NEO1: variants seen among roughly 807,000 people sequenced by gnomAD.
NEO1 encodes the protein neogenin 1, also known as neogenin.
A neutral mutation model predicts 159.7 loss-of-function variants in NEO1; 63 were observed. The ratio of observed to expected loss-of-function variants is 0.39; its 90% CI spans 0.32 to 0.49. NEO1 has a LOEUF of 0.49. NEO1 is among the 20% of genes least tolerant of loss of function. NEO1 has a pLI of 0.85. For synonymous variants in NEO1, 633 were observed against 662.0 expected (o/e 0.96, Z 0.67); for missense variants, 1,615 against 1,831.0 (o/e 0.88, Z 2.15).
intron 1 of NEO1, among the ~76,000 whole-genome samples, chr15:73,054,097 A>G (rs1265763617): frequency 1.3e-5 from 2 of 152,246 alleles, no homozygotes; most frequent in African/African-American, 4.8e-5. Flanking sequence ...ACCCTTATAC[A>G]TTCAGTCCGT....
At chr15:73,169,800 G>C (rs1466534869) in intron 5 of NEO1, among the ~76,000 whole-genome samples, 1 of 151,666 alleles carries the variant, frequency 6.6e-6, no homozygotes, top group Non-Finnish European at 1.5e-5. Context: ...AAGAGTATAG[G>C]CTTTGAAGGT....
At chr15:73,069,020 A>G (rs1433483743) in intron 1 of NEO1, among the ~76,000 whole-genome samples, 17 of 149,624 alleles carry the variant, frequency 1.1e-4, no homozygotes, top group African/African-American at 3.5e-4. Flanking sequence ...TGGGGTAATC[A>G]CAGGTTACTG....
At chr15:73,134,513 A>G (rs1239296782) in intron 4 of NEO1, among the ~76,000 whole-genome samples, 1 of 151,938 alleles carries the variant, frequency 6.6e-6, no homozygotes, top group Non-Finnish European at 1.5e-5. Context: ...CCAAGACTGT[A>G]TAGTCATTTC....
intron 5 of NEO1, among the ~76,000 whole-genome samples, chr15:73,160,777 C>A (rs543080370): frequency 1.3e-5 from 2 of 152,304 alleles, no homozygotes; most frequent in East Asian, 3.9e-4. Context: ...TGCATGAGTT[C>A]AGCTACCTAG....
intron 5 of NEO1, among the ~76,000 whole-genome samples, chr15:73,158,208 C>CTTTTT (rs1047852394): frequency 8.0e-4 from 66 of 82,496 alleles, no homozygotes; most frequent in East Asian, 2.9e-3. Flanking sequence ...GAGTGAGACT[C>CTTTTT]TTTTTTTTTT....
rs1316543359 is a variant in NEO1, at chr15:73,254,934, T to A, written c.2092+105T>A. The A allele has an allele frequency of 3.9e-6, 5 of 1,291,402 alleles. No individual in the cohort carries two copies. The Admixed American group carries it at 1.4e-4, about 37-fold the overall frequency. The allele number at this position is 1,291,402 out of a possible 1,614,324, so 80.0% of individuals were successfully genotyped here. On this transcript the variant is annotated intron_variant, in intron 13 of 28. Transcript: ENST00000261908. ...GAACTGTCGACTTATACAAACAAAT[T>A]TAAAATGGTTCAGAAAATTTTTAAT...
At chr15:73,215,123 A>G (rs1240903306) in intron 7 of NEO1, among the ~76,000 whole-genome samples, 3 of 152,184 alleles carry the variant, frequency 2.0e-5, no homozygotes, top group Non-Finnish European at 4.4e-5. Context: ...ATGTACATTA[A>G]TCTTGTATCC....
intron 7 of NEO1, among the ~76,000 whole-genome samples, chr15:73,228,088 G>A (rs2038694066): frequency 6.6e-6 from 1 of 152,182 alleles, no homozygotes; most frequent in Admixed American, 6.5e-5. Context: ...CATTTCTTTT[G>A]CTCAAAACAC....
At chr15:73,246,215 C>T (rs1305521232) in intron 9 of NEO1, among the ~76,000 whole-genome samples, 1 of 152,126 alleles carries the variant, frequency 6.6e-6, no homozygotes, top group African/African-American at 2.4e-5. Context: ...GATGAACAAG[C>T]TTGGTCTTCT....
intron 25 of NEO1, 134 bp downstream of exon 25, chr15:73,289,372 G>A: frequency 1.3e-6 from 1 of 750,098 alleles, no homozygotes; most frequent in Non-Finnish European, 2.3e-6. Flanking sequence ...CACCTTGAAG[G>A]AGGAAGTACC....
rs2040566136 is a variant in NEO1 at position 73,260,320 on chromosome 15, T to C, written c.2253T>C (p.Val751=). Residue 751 remains valine (V), a synonymous_variant, in exon 15 of 29, where the codon GTT becomes GTC. Coordinates refer to ENST00000261908, the MANE Select transcript of NEO1 (RefSeq NM_002499.4). ...VPSSLHVRPL[V]TSIVVSWTPP... is the part of the protein sequence containing the mutation. The stretch of plus-strand genomic sequence containing the variant: ...GCTCTCTTCACGTACGCCCGCTCGT[T>C]ACTAGCATCGTAGTGAGCTGGACTC... The C allele has an allele frequency of 6.2e-7, 1 of 1,613,922 alleles. No homozygotes were observed. Among genetic ancestry groups the C allele is most frequent in the Non-Finnish European group, 8.5e-7 (1 of 1,179,984 alleles).
chr15:73,277,405 G>A (rs149201942), intron 21 of NEO1, among the ~76,000 whole-genome samples: 1 of 152,262 alleles, frequency 6.6e-6, no homozygotes, highest in Non-Finnish European at 1.5e-5. Context: ...ACTGATATTT[G>A]CACTTTCTGA....
chr15:73,159,569 C>T (rs1325644015), intron 5 of NEO1, among the ~76,000 whole-genome samples: 3 of 152,050 alleles, frequency 2.0e-5, no homozygotes, highest in Non-Finnish European at 4.4e-5. Flanking sequence ...ATATGTAGCT[C>T]AATTTCCTCT....
chr15:73,289,593 A>G (rs1363028439), intron 25 of NEO1, among the ~76,000 whole-genome samples: 1 of 152,102 alleles, frequency 6.6e-6, no homozygotes, highest in East Asian at 1.9e-4. Context: ...ACAAGTTTTC[A>G]TTACGCTGCC....
chr15:73,186,202 G>C (rs1407775441), intron 7 of NEO1, among the ~76,000 whole-genome samples: 3 of 151,484 alleles, frequency 2.0e-5, no homozygotes, highest in Non-Finnish European at 2.9e-5. Flanking sequence ...AGAAGACACT[G>C]AGCAGTAGTT....
At chr15:73,126,648 A>G (rs2030291448) in intron 4 of NEO1, 78 bp downstream of exon 4, 3 of 1,335,062 alleles carry the variant, frequency 2.2e-6, no homozygotes, top group African/African-American at 1.5e-5. Flanking sequence ...CTATTGACTA[A>G]TTTAAAAAGA....
In NEO1 at chr15:73,229,451, G is replaced by GTTT. The variant is rs200164416; in HGVS notation, c.1292-6885_1292-6883dup. ...CTAGCCTTATTTATTAGTTTTAGTT[G>GTTT]TTTTTTTTTTTTTCAGTAGATTCAT... On this transcript the variant is annotated intron_variant, in intron 7 of 28. Coordinates refer to ENST00000261908, the MANE Select transcript of NEO1 (RefSeq NM_002499.4). 2.7e-3 allele frequency among the ~76,000 whole-genome samples: 350 copies of GTTT among 131,840 alleles called. 2 individuals are homozygous for GTTT. The highest frequency in any genetic ancestry group is 8.8e-3 in the African/African-American group (325 of 36,958). The allele number at this position is 131,840 out of a possible 152,430, so 86.5% of individuals were successfully genotyped here.
At chr15:73,186,576 T>A (rs1486484597) in intron 7 of NEO1, among the ~76,000 whole-genome samples, 1 of 151,674 alleles carries the variant, frequency 6.6e-6, no homozygotes, top group African/African-American at 2.4e-5. Flanking sequence ...GCCCACAAAA[T>A]TTTTTTCTTC....
chr15:73,299,095 C>T (rs1487220571), intron 27 of NEO1, among the ~76,000 whole-genome samples: 2 of 152,174 alleles, frequency 1.3e-5, no homozygotes, highest in Non-Finnish European at 2.9e-5. Context: ...AGCTCAGTAA[C>T]AGTCCCCTGA....
Sources: gnomAD v4.1 joint callset for allele counts (sites outside exome capture counted in the v4.1 genomes callset) on GRCh38, gnomAD v4.1.1 for gene constraint, MANE v1.5 for transcripts, NCBI Gene and HGNC (gene_info 2026-07-23, HGNC 2026-07-21) for gene names.